Variants in ZNF547 observed in about 807,000 individuals in gnomAD.
ZNF547 encodes zinc finger protein 547.
A neutral mutation model predicts 7.7 loss-of-function variants in ZNF547; 4 were observed. The ratio of observed to expected loss-of-function variants is 0.52; its 90% CI spans 0.26 to 1.20. The LOEUF is 1.20. ZNF547 is among the 50% of genes most tolerant of loss of function. ZNF547 has a pLI of 0.14. For missense variants in ZNF547, 449 were observed against 485.8 expected, an observed-to-expected ratio of 0.92 and a Z score of 0.71; for synonymous variants, 166 against 166.2, an observed-to-expected ratio of 1.00 and a Z score of 0.01.
intron 1 of ZNF547, among the ~76,000 whole-genome samples, chr19:57,367,195 A>G (rs909229001): frequency 2.0e-4 from 30 of 152,198 alleles, no homozygotes; most frequent in African/African-American, 7.2e-4. Flanking sequence ...AATACACCAG[A>G]GGGGGCTGGG....
At position 57,378,488 on chromosome 19, in the gene ZNF547, G is replaced by C. The variant is rs372651171; in HGVS notation, c.*303G>C. ...TCAACATGCAAGATTGTACTTATTG[G>C]GCTTCAGAATATCCACACTAGTGAA... On this transcript the variant is annotated 3_prime_UTR_variant, in exon 4 of 4. Coordinates refer to ENST00000282282, the MANE Select transcript of ZNF547 (RefSeq NM_173631.4). 9.7e-4 allele frequency: 510 copies of C among 527,448 alleles called. 3 individuals carry two copies. The highest frequency in any genetic ancestry group is 8.7e-3 in the African/African-American group (462 of 52,852). 32.7% of individuals were successfully genotyped at this position (527,448 alleles called of 1,614,324 possible).
rs1568527340 is a variant in ZNF547, at chr19:57,377,904, ACACT to A, written c.931_934del (p.Leu311ValfsTer24). ...TGGGAAATTCTTTATGGAAAGGTCTACACTCAGTAGACATCAGAGAGTTCACACT... is the reference window on the plus strand; with the variant it reads ...TGGGAAATTCTTTATGGAAAGGTCTACAGTAGACATCAGAGAGTTCACACT... On this transcript the variant is annotated frameshift_variant, in exon 4 of 4. Transcript: ENST00000282282. LOFTEE classifies it low-confidence loss of function (END_TRUNC). 6.2e-7 allele frequency: 1 copy of A among 1,613,708 alleles called. No individual in the cohort carries two copies. Among genetic ancestry groups the A allele is most frequent in the Non-Finnish European group, 8.5e-7 (1 of 1,179,964 alleles).
chr19:57,364,905 A>G, intron 1 of ZNF547: 2 of 1,612,640 alleles, frequency 1.2e-6, no homozygotes, highest in Non-Finnish European at 1.7e-6. Flanking sequence ...AGTTTTTGCC[A>G]GCTGGGAAGG....
At position 57,378,738 on chromosome 19, in the gene ZNF547, T is replaced by C; in HGVS notation, c.*553T>C. The stretch of plus-strand genomic sequence containing the variant: ...CACATAAAATTTGCCATCTTAACTA[T>C]TGTAATGTCTTGTTTAATACTTGAA... On this transcript the variant is annotated 3_prime_UTR_variant, in exon 4 of 4. Transcript: ENST00000282282. The C allele has an allele frequency of 2.3e-6, 1 of 433,320 alleles. No homozygotes were observed. 26.8% of individuals were successfully genotyped at this position (433,320 alleles called of 1,614,324 possible).
At chr19:57,364,340 G>A (rs1191135696) in intron 1 of ZNF547, 1 of 158,978 alleles carries the variant, frequency 6.3e-6, no homozygotes, top group Non-Finnish European at 1.4e-5. Flanking sequence ...ATCATGGGTT[G>A]GAGTTTGGCC....
intron 1 of ZNF547, chr19:57,365,086 A>G (rs762885981): frequency 1.2e-6 from 2 of 1,609,846 alleles, no homozygotes; most frequent in Non-Finnish European, 8.5e-7. Context: ...GAGGTTTATT[A>G]TGCTTCATGA....
intron 1 of ZNF547, chr19:57,365,066 C>G: frequency 6.2e-7 from 1 of 1,610,766 alleles, no homozygotes; most frequent in Non-Finnish European, 8.5e-7. Context: ...TTTGTCACCG[C>G]GGGGCATATG....
intron 3 of ZNF547, among the ~76,000 whole-genome samples, chr19:57,373,670 A>G (rs1037764114): frequency 1.3e-5 from 2 of 152,212 alleles, no homozygotes; most frequent in African/African-American, 4.8e-5. Flanking sequence ...TCCTAATGGA[A>G]GAAATGGGCC....
In ZNF547 at chr19:57,378,180, G is replaced by C. The variant is rs1167333211; in HGVS notation, c.1204G>C (p.Gly402Arg). 5 of 1,603,848 alleles carry C rather than the reference G, an allele frequency of 3.1e-6. No individual in the cohort carries two copies. In the African/African-American group the frequency reaches 6.7e-5, roughly 21 times the overall value. ...TCTCAGACATCAGAAAGTCCACACT[G>C]GATAAGGCCCTTATGAATGCAGTGG... ...TLLRHQKVHTG is the reference protein window; with the variant it reads ...TLLRHQKVHTR The change falls in exon 4 of 4, where the codon GGA (glycine) becomes CGA (arginine). Residue 402 changes from glycine (G) to arginine (R), a missense_variant. Physicochemically the swap from Gly to Arg is moderately radical, Grantham distance 125. Coordinates refer to ENST00000282282, the MANE Select transcript of ZNF547 (RefSeq NM_173631.4).
intron 1 of ZNF547, chr19:57,364,450 GAATA>G: frequency 2.0e-5 from 5 of 251,564 alleles, no homozygotes; most frequent in South Asian, 1.0e-4. Flanking sequence ...TTCTTCAAAA[GAATA>G]GAGGGTGGCC....
intron 3 of ZNF547, among the ~76,000 whole-genome samples, chr19:57,374,628 C>T (rs2088525406): frequency 6.6e-6 from 1 of 152,250 alleles, no homozygotes; most frequent in South Asian, 2.1e-4. Context: ...TTCTGCCTTG[C>T]TTCCTCTTGA....
chr19:57,371,420 T>G lies in ZNF547; in HGVS notation c.25-362T>G, dbSNP rs568508278. 7.2e-5 allele frequency among the ~76,000 whole-genome samples: 11 copies of G among 152,278 alleles called. No homozygotes were observed. In the East Asian group the frequency reaches 2.1e-3, roughly 29 times the overall value. On this transcript the variant is annotated intron_variant, in intron 2 of 3. Coordinates refer to ENST00000282282, the MANE Select transcript of ZNF547 (RefSeq NM_173631.4). ...GATCAGGAGGAAAATTGGAGTGAGT[T>G]TAGTTTAGTCCACAGATGCTGTTGG...
intron 3 of ZNF547, 44 bp downstream of exon 3, chr19:57,371,952 T>C (rs2088507810): frequency 1.3e-6 from 2 of 1,526,138 alleles, no homozygotes. Flanking sequence ...TGGGCTGTGT[T>C]GTCTCCTTTT....
chr19:57,364,533 G>A (rs574317738), intron 1 of ZNF547: 2 of 432,272 alleles, frequency 4.6e-6, no homozygotes, highest in East Asian at 4.8e-5. Context: ...ACAAGGTCAG[G>A]CGTTCAAGAC....
At chr19:57,369,559 G>A (rs1036239343) in intron 2 of ZNF547, among the ~76,000 whole-genome samples, 2 of 152,074 alleles carry the variant, frequency 1.3e-5, no homozygotes, top group Non-Finnish European at 2.9e-5. Context: ...TGGTGGCAGT[G>A]CTGTTCGAAG....
chr19:57,372,145 T>C (rs1275039287), intron 3 of ZNF547, among the ~76,000 whole-genome samples: 1 of 152,232 alleles, frequency 6.6e-6, no homozygotes, highest in African/African-American at 2.4e-5. Flanking sequence ...CCAGAAATGT[T>C]GAAGGTGACA....
chr19:57,378,324 T>C lies in ZNF547; in HGVS notation c.*139T>C. 1 of 804,896 alleles carries C rather than the reference T, an allele frequency of 1.2e-6. No individual in the cohort carries two copies. The highest frequency in any genetic ancestry group is 2.2e-5 in the Admixed American group (1 of 45,850). The allele number at this position is 804,896 out of a possible 1,614,324, so 49.9% of individuals were successfully genotyped here. Reference sequence around the variant, plus strand: ...TGTAGGTACAGCTCTCCAGTCGCTATGTATCAGAGAATTCACACTGCAGAA... The same window carrying C: ...TGTAGGTACAGCTCTCCAGTCGCTACGTATCAGAGAATTCACACTGCAGAA... On this transcript the variant is annotated 3_prime_UTR_variant, in exon 4 of 4. Coordinates refer to ENST00000282282, the MANE Select transcript of ZNF547 (RefSeq NM_173631.4).
At position 57,378,329 on chromosome 19, in the gene ZNF547, CAG is replaced by C. The variant is rs1190746786; in HGVS notation, c.*148_*149del. 1.3e-6 allele frequency: 1 copy of C among 788,182 alleles called. No homozygotes were observed. Among genetic ancestry groups the C allele is most frequent in the African/African-American group, 1.7e-5 (1 of 58,364 alleles). The allele number at this position is 788,182 out of a possible 1,614,324, so 48.8% of individuals were successfully genotyped here. On this transcript the variant is annotated 3_prime_UTR_variant, in exon 4 of 4. Transcript: ENST00000282282. ...GTACAGCTCTCCAGTCGCTATGTAT[CAG>C]AGAATTCACACTGCAGAAATGTGTG...
intron 1 of ZNF547, 24 bp from the exon 2 acceptor site, chr19:57,368,520 C>A: frequency 1.2e-6 from 2 of 1,613,792 alleles, no homozygotes; most frequent in Non-Finnish European, 1.7e-6. Flanking sequence ...TTGCCCATTT[C>A]TCACGGTTTC....
Sources: gnomAD v4.1 joint callset for allele counts (sites outside exome capture counted in the v4.1 genomes callset) on GRCh38, gnomAD v4.1.1 for gene constraint, MANE v1.5 for transcripts, NCBI Gene and HGNC (gene_info 2026-07-23, HGNC 2026-07-21) for gene names.